Variants in MGRN1 observed in about 807,000 individuals in gnomAD.
The protein encoded by MGRN1 is E3 ubiquitin-protein ligase MGRN1.
In MGRN1, 29 loss-of-function variants were observed where a neutral mutation model predicts 69.2. The observed-to-expected ratio is 0.42, with a 90% CI of 0.31 to 0.57. The LOEUF (loss-of-function observed/expected upper bound fraction) is 0.57. MGRN1 is among the 20% of genes least tolerant of loss of function. The pLI, the probability that MGRN1 is intolerant of heterozygous loss-of-function variation, is 0.15. For missense variants in MGRN1, 998 were observed against 796.2 expected, an observed-to-expected ratio of 1.25 and a Z score of -3.05; for synonymous variants, 470 against 344.2, an observed-to-expected ratio of 1.37 and a Z score of -4.04.
At chr16:4,628,619 A>G (rs951303788) in intron 1 of MGRN1, among the ~76,000 whole-genome samples, 2 of 151,876 alleles carry the variant, frequency 1.3e-5, no homozygotes, top group Admixed American at 6.6e-5. Context: ...ATCTCGGCTC[A>G]GTGCAACGTC....
intron 12 of MGRN1, among the ~76,000 whole-genome samples, chr16:4,680,889 T>C (rs1347797296): frequency 6.6e-6 from 1 of 151,842 alleles, no homozygotes; most frequent in Non-Finnish European, 1.5e-5. Flanking sequence ...CAGGCCGGGG[T>C]CTCCCGAAAG....
intron 4 of MGRN1, among the ~76,000 whole-genome samples, chr16:4,653,028 G>T (rs2078444270): frequency 6.6e-6 from 1 of 152,212 alleles, no homozygotes; most frequent in Non-Finnish European, 1.5e-5. Context: ...TCCTTTGACT[G>T]GTTTCAGTTC....
chr16:4,682,989 G>A (rs137873490), intron 14 of MGRN1, 43 bp downstream of exon 14: 2 of 1,502,992 alleles, frequency 1.3e-6, no homozygotes, highest in African/African-American at 1.4e-5. Context: ...GCCCGGGCCA[G>A]CCCTCCTCCA....
intron 1 of MGRN1, among the ~76,000 whole-genome samples, chr16:4,626,553 A>G (rs938249862): frequency 5.9e-5 from 9 of 152,194 alleles, no homozygotes; most frequent in African/African-American, 1.9e-4. Context: ...GGTAGCTGCT[A>G]CAATTGCTCA....
intron 4 of MGRN1, among the ~76,000 whole-genome samples, chr16:4,656,866 C>G (rs573681133): frequency 1.1e-4 from 16 of 151,208 alleles, no homozygotes; most frequent in African/African-American, 3.9e-4. Flanking sequence ...GGCGACAGAG[C>G]GAGACTCTTA....
intron 9 of MGRN1, chr16:4,672,571 G>T: frequency 4.8e-6 from 2 of 412,668 alleles, no homozygotes; most frequent in South Asian, 3.5e-5. Context: ...AAAAGGTTCA[G>T]AGAGGGAATG....
At chr16:4,656,678 C>T (rs1037422332) in intron 4 of MGRN1, among the ~76,000 whole-genome samples, 35 of 152,060 alleles carry the variant, frequency 2.3e-4, no homozygotes, top group Admixed American at 9.2e-4. Flanking sequence ...GTCAGGAGTT[C>T]GAGACCAGCT....
At chr16:4,650,604 C>T in intron 2 of MGRN1, 121 bp downstream of exon 2, 1 of 758,224 alleles carries the variant, frequency 1.3e-6, no homozygotes, top group South Asian at 2.0e-5. Context: ...GGGCAGAGCT[C>T]CTGGCAGGAT....
chr16:4,648,023 C>G (rs929182483), intron 1 of MGRN1, among the ~76,000 whole-genome samples: 29 of 152,230 alleles, frequency 1.9e-4, no homozygotes, highest in African/African-American at 6.3e-4. Context: ...GACCATGCAG[C>G]GCCTGAAGGT....
chr16:4,661,386 C>T (rs549945940), intron 5 of MGRN1, among the ~76,000 whole-genome samples: 1 of 152,232 alleles, frequency 6.6e-6, no homozygotes, highest in Admixed American at 6.5e-5. Flanking sequence ...CCCTCCAGCC[C>T]TCTCCCGGAG....
intron 5 of MGRN1, among the ~76,000 whole-genome samples, chr16:4,661,980 T>G (rs1199992428): frequency 6.6e-6 from 1 of 152,172 alleles, no homozygotes; most frequent in Non-Finnish European, 1.5e-5. Context: ...GAGTCCCTGC[T>G]GGGTGGGGAC....
rs1898124156 is a variant in MGRN1 at position 4,633,664 on chromosome 16, C to G, written c.88+8616C>G. 1.3e-5 allele frequency: 2 copies of G among 152,028 alleles called. 1 individual carries two copies. The highest frequency in any genetic ancestry group is 4.1e-4 in the South Asian group (2 of 4,822). The allele number at this position is 152,028 out of a possible 1,614,324, so 9.4% of individuals were successfully genotyped here. A position where few individuals can be genotyped will look rare whatever the true frequency, so the allele number is the denominator to read the frequency against. ...CGAGGTCGTGCCATTGCACTCCAGC[C>G]TGGGCAACTAGAGCAAAACTCTGTC... On this transcript the variant is annotated intron_variant, in intron 1 of 16. Coordinates refer to ENST00000262370, the MANE Select transcript of MGRN1 (RefSeq NM_015246.4).
In MGRN1 at chr16:4,671,403, A is replaced by T. The variant is rs2078934845; in HGVS notation, c.739A>T (p.Ser247Cys). Reference protein sequence around the residue: ...LKQKQIVDRVSYLLQEIYGIE... With the variant: ...LKQKQIVDRVCYLLQEIYGIE... ...CTCTGCTCTCCAGGTGGACCGGGTC[A>T]GCTACCTCCTGCAGGAGATCTATGG... The change falls in exon 9 of 17, where the codon AGC becomes TGC. Residue 247 changes from serine to cysteine, a missense_variant. Transcript: ENST00000262370. The T allele has an allele frequency of 6.2e-7, 1 of 1,613,986 alleles. No individual in the cohort carries two copies. The highest frequency in any genetic ancestry group is 1.3e-5 in the African/African-American group (1 of 74,904).
At chr16:4,629,953 G>A (rs1034634582) in intron 1 of MGRN1, among the ~76,000 whole-genome samples, 4 of 151,414 alleles carry the variant, frequency 2.6e-5, no homozygotes, top group Admixed American at 2.0e-4. Flanking sequence ...GGCTGAGTCA[G>A]GAGAATTGCT....
intron 1 of MGRN1, among the ~76,000 whole-genome samples, chr16:4,637,957 C>T (rs2078068627): frequency 6.6e-6 from 1 of 152,214 alleles, no homozygotes; most frequent in Non-Finnish European, 1.5e-5. Context: ...CTCCGTGCCC[C>T]AGCGTCTTTG....
At chr16:4,668,573 TCATACAGACACGACACTCATACACA>T (rs1289165406) in intron 8 of MGRN1, among the ~76,000 whole-genome samples, 1 of 149,070 alleles carries the variant, frequency 6.7e-6, no homozygotes, top group African/African-American at 2.5e-5. Flanking sequence ...TCGCACACAC[TCATACAGACACGACACTCATACACA>T]CATACACTCA....
chr16:4,674,621 C>CTT (rs2079014394), intron 10 of MGRN1, among the ~76,000 whole-genome samples: 12 of 59,796 alleles, frequency 2.0e-4, no homozygotes, highest in Non-Finnish European at 3.6e-4. Context: ...CTTTTCTTTT[C>CTT]TTTTCTTTTT....
rs140373235 is a variant in MGRN1 at position 4,679,319 on chromosome 16, C to T, written c.1066-713C>T. On this transcript the variant is annotated intron_variant, in intron 11 of 16. Transcript: ENST00000262370. ...AGTAGGTCCCTCCATGTTTGTCCCT[C>T]TTATGCTGAGTGAGCTGGGCGGCCG... 9.3e-3 allele frequency among the ~76,000 whole-genome samples: 1,409 copies of T among 152,310 alleles called. 14 individuals carry two copies. Among genetic ancestry groups the T allele is most frequent in the Non-Finnish European group, 0.014 (961 of 68,018 alleles).
chr16:4,676,693 A>G lies in MGRN1; in HGVS notation c.956-770A>G, dbSNP rs547520996. Among the ~76,000 whole-genome samples the G allele has an allele frequency of 2.3e-4, 35 of 152,216 alleles. 1 individual carries two copies. The South Asian group carries it at 6.6e-3, about 29-fold the overall frequency. Reference sequence around the variant, plus strand: ...TTGGTGGTTCGGTTTCCTGGCCTGCACACGTCACTAAAGGTGTCTCAGGAA... The same window carrying G: ...TTGGTGGTTCGGTTTCCTGGCCTGCGCACGTCACTAAAGGTGTCTCAGGAA... On this transcript the variant is annotated intron_variant, in intron 10 of 16. Coordinates refer to ENST00000262370, the MANE Select transcript of MGRN1 (RefSeq NM_015246.4).
Sources: gnomAD v4.1 joint callset for allele counts (sites outside exome capture counted in the v4.1 genomes callset) on GRCh38, gnomAD v4.1.1 for gene constraint, MANE v1.5 for transcripts, NCBI Gene and HGNC (gene_info 2026-07-23, HGNC 2026-07-21) for gene names.